SMIM35: variants seen among roughly 807,000 people sequenced by gnomAD.
SMIM35 encodes the protein small integral membrane protein 35, also known as TMPRSS4 antisense RNA 1 (non-protein coding).
In SMIM35 at chr11:118,033,910, C is replaced by T. The variant is rs77206782; in HGVS notation, c.8-18101G>A. On this transcript the variant is annotated intron_variant, in intron 1 of 4. Transcript: ENST00000689828. ...GCAAGATACTTAATTTCTCCGAAACCCAGTTCATTTGTCTATGAAATGGAA... is the reference window on the plus strand; with the variant it reads ...GCAAGATACTTAATTTCTCCGAAACTCAGTTCATTTGTCTATGAAATGGAA... Among the ~76,000 whole-genome samples the T allele has an allele frequency of 9.0e-4, 137 of 152,238 alleles. 2 individuals are homozygous for T. The East Asian group carries it at 0.025, about 28-fold the overall frequency.
chr11:118,012,327 G>T (rs1222045766), intron 4 of SMIM35, among the ~76,000 whole-genome samples: 3 of 152,212 alleles, frequency 2.0e-5, no homozygotes, highest in African/African-American at 7.2e-5. Flanking sequence ...CTCCAGTCCA[G>T]CAGGGCACAG....
At chr11:118,027,800 G>C (rs1036815513) in intron 1 of SMIM35, among the ~76,000 whole-genome samples, 1 of 152,316 alleles carries the variant, frequency 6.6e-6, no homozygotes, top group African/African-American at 2.4e-5. Context: ...AGGTGTTTGA[G>C]AGAATGAGGC....
At chr11:118,027,750 G>A (rs10431040) in intron 1 of SMIM35, among the ~76,000 whole-genome samples, 8,938 of 152,178 alleles carry the variant, frequency 0.059, 541 homozygotes, top group East Asian at 0.35. Context: ...TGGCAGGGAG[G>A]CACACATCCA....
At position 118,086,807 on chromosome 11, in the gene SMIM35, T is replaced by C. The variant is rs1021600212; in HGVS notation, c.-50A>G. On this transcript the variant is annotated 5_prime_UTR_variant, in exon 1 of 5. An upstream start codon of the reference 5' UTR is lost. Coordinates refer to ENST00000689828, the MANE Select transcript of SMIM35 (RefSeq NM_001394165.1). ...CCCTGTTGCCAGCGCAGCAAAGGCA[T>C]CAAACTGCCTATTCCAGCTGCAAGT... 6.5e-6 allele frequency: 1 copy of C among 152,738 alleles called. No homozygotes were observed. The highest frequency in any genetic ancestry group is 2.4e-5 in the African/African-American group (1 of 41,462). 9.5% of individuals were successfully genotyped at this position (152,738 alleles called of 1,614,324 possible).
chr11:118,014,612 A>G (rs1445730660), intron 3 of SMIM35, 96 bp downstream of exon 3: 1 of 398,480 alleles, frequency 2.5e-6, no homozygotes, highest in Non-Finnish European at 4.4e-6. Context: ...AAGACAGGAA[A>G]GGGAACCAGT....
At position 118,072,307 on chromosome 11, in the gene SMIM35, C is replaced by T. The variant is rs143468409; in HGVS notation, c.7+14444G>A. ...CAGTTCGAGATCAGCCTGGCCAACA[C>T]GGCAAAACCCGTCTCTACTAAAAGA... On this transcript the variant is annotated intron_variant, in intron 1 of 4. Transcript: ENST00000689828. 6.0e-3 allele frequency among the ~76,000 whole-genome samples: 914 copies of T among 152,164 alleles called. 6 individuals carry two copies. The highest frequency in any genetic ancestry group is 0.021 in the African/African-American group (879 of 41,500).
intron 1 of SMIM35, among the ~76,000 whole-genome samples, chr11:118,063,241 T>A (rs1944419482): frequency 6.6e-6 from 1 of 152,200 alleles, no homozygotes. Context: ...ACCGCAGACT[T>A]GCCCTGAATT....
chr11:118,040,804 G>C (rs528582586), intron 1 of SMIM35, among the ~76,000 whole-genome samples: 2 of 152,138 alleles, frequency 1.3e-5, no homozygotes, highest in Admixed American at 1.3e-4. Flanking sequence ...TAATATTTTT[G>C]TTAATAATAG....
intron 2 of SMIM35, among the ~76,000 whole-genome samples, chr11:118,015,386 T>C (rs910298370): frequency 1.3e-5 from 2 of 152,136 alleles, no homozygotes; most frequent in African/African-American, 4.8e-5. Context: ...GTCTAGCCCA[T>C]TGATCTTGGC....
chr11:118,030,113 C>A (rs571017893), intron 1 of SMIM35, among the ~76,000 whole-genome samples: 25 of 152,188 alleles, frequency 1.6e-4, no homozygotes, highest in African/African-American at 1.4e-4. Context: ...CGGCTCACTG[C>A]AAACTCTGTC....
intron 1 of SMIM35, among the ~76,000 whole-genome samples, chr11:118,022,803 G>T (rs73013721): frequency 0.096 from 14,507 of 151,860 alleles, 954 homozygotes; most frequent in East Asian, 0.36. Context: ...CTAGAAGCAG[G>T]GCCTATTCCC....
chr11:118,051,377 C>T (rs1366281633), intron 1 of SMIM35, among the ~76,000 whole-genome samples: 3 of 152,236 alleles, frequency 2.0e-5, no homozygotes, highest in African/African-American at 7.2e-5. Context: ...GAGGACAAGG[C>T]CATGCCTGAT....
chr11:118,070,986 G>C (rs866510126), intron 1 of SMIM35, among the ~76,000 whole-genome samples: 37 of 152,356 alleles, frequency 2.4e-4, no homozygotes, highest in Middle Eastern at 3.4e-3. Flanking sequence ...CTTGTGAAAT[G>C]GAGGTAATAG....
intron 1 of SMIM35, among the ~76,000 whole-genome samples, chr11:118,046,127 C>G (rs148786440): frequency 3.2e-4 from 48 of 152,268 alleles, no homozygotes; most frequent in African/African-American, 1.1e-3. Flanking sequence ...TTATCAGTAG[C>G]CTTTGTCCTC....
chr11:118,010,566 G>A (rs543156035), intron 4 of SMIM35, among the ~76,000 whole-genome samples: 19 of 152,310 alleles, frequency 1.2e-4, no homozygotes, highest in African/African-American at 4.3e-4. Flanking sequence ...CCTGGTTGAG[G>A]AACAGCACAA....
Position 118,065,745 on chromosome 11 carries a change from G to A in SMIM35, c.7+21006C>T, listed in dbSNP as rs763468133. Among the ~76,000 whole-genome samples, 13 of 152,244 alleles carry A rather than the reference G, an allele frequency of 8.5e-5. No individual in the cohort carries two copies. In the East Asian group the frequency reaches 1.9e-3, roughly 23 times the overall value. On this transcript the variant is annotated intron_variant, in intron 1 of 4. Transcript: ENST00000689828. ...GAAAATTCTGTACCCAGTCCCTTGA[G>A]CTTCTTGTTCAGCCCACTCCCACCC... is the stretch of plus-strand genomic sequence containing the variant.
intron 1 of SMIM35, among the ~76,000 whole-genome samples, chr11:118,045,081 C>A (rs1944076327): frequency 6.6e-6 from 1 of 152,074 alleles, no homozygotes; most frequent in Non-Finnish European, 1.5e-5. Context: ...ATGGTGGAGG[C>A]AGATGTGGAG....
intron 1 of SMIM35, among the ~76,000 whole-genome samples, chr11:118,057,007 C>T (rs184175028): frequency 3.0e-4 from 45 of 152,216 alleles, no homozygotes; most frequent in African/African-American, 1.0e-3. Context: ...AAAGGTTGGC[C>T]GCTCACTCCC....
intron 1 of SMIM35, among the ~76,000 whole-genome samples, chr11:118,017,565 G>A (rs1283387010): frequency 6.6e-6 from 1 of 152,296 alleles, no homozygotes; most frequent in East Asian, 1.9e-4. Context: ...TAAGCAGAAA[G>A]AAAGCATTGT....
Sources: allele counts gnomAD v4.1 joint callset (sites outside exome capture counted in the v4.1 genomes callset), GRCh38; gene constraint gnomAD v4.1.1; transcripts MANE v1.5; gene names NCBI Gene and HGNC (gene_info 2026-07-23, HGNC 2026-07-21).